Variants in WWOX observed in about 807,000 individuals in gnomAD.
The protein encoded by WWOX is WW domain containing oxidoreductase.
A neutral mutation model predicts 46.2 loss-of-function variants in WWOX; 69 were observed. The observed-to-expected ratio is 1.49, with a 90% CI of 1.23 to 1.82. WWOX has a LOEUF of 1.82. Ranked by LOEUF, WWOX falls within the 40% of genes most tolerant of loss-of-function variation. The probability of loss-of-function intolerance (pLI) is 0.00; values close to 1 mark genes in which losing one functional copy is unlikely to be tolerated. For synonymous variants in WWOX, 359 were observed against 202.6 expected (o/e 1.77, Z -6.56); for missense variants, 919 against 542.6 (o/e 1.69, Z -6.89).
chr16:78,456,637 C>T (rs977610945), intron 8 of WWOX, among the ~76,000 whole-genome samples: 3 of 152,108 alleles, frequency 2.0e-5, no homozygotes, highest in Non-Finnish European at 2.9e-5. Context: ...AATTCTGAAT[C>T]TGTGGTGTTT....
intron 8 of WWOX, among the ~76,000 whole-genome samples, chr16:78,819,610 C>T (rs1196084733): frequency 7.2e-6 from 1 of 139,248 alleles, no homozygotes; most frequent in East Asian, 1.9e-4. Context: ...CAAGGAGCAG[C>T]ACCTCTGCTC....
chr16:78,142,437 A>G (rs2034020272), intron 4 of WWOX, among the ~76,000 whole-genome samples: 1 of 152,218 alleles, frequency 6.6e-6, no homozygotes, highest in Non-Finnish European at 1.5e-5. Context: ...CTGCAAAAGA[A>G]CTAGAAATGC....
intron 8 of WWOX, among the ~76,000 whole-genome samples, chr16:78,653,792 C>T (rs1435630243): frequency 1.3e-5 from 2 of 152,226 alleles, no homozygotes; most frequent in Admixed American, 6.5e-5. Flanking sequence ...AAAGGAATTG[C>T]AGTTTTTGCC....
chr16:78,803,519 T>A (rs2050950137), intron 8 of WWOX, among the ~76,000 whole-genome samples: 1 of 152,204 alleles, frequency 6.6e-6, no homozygotes, highest in Non-Finnish European at 1.5e-5. Context: ...CGATCACAGC[T>A]TTCTGCAGCA....
At chr16:78,912,866 G>A (rs773682329) in intron 8 of WWOX, among the ~76,000 whole-genome samples, 11 of 151,896 alleles carry the variant, frequency 7.2e-5, no homozygotes, top group Non-Finnish European at 1.5e-4. Context: ...GTTAGATGCC[G>A]TATCTTTAAA....
intron 8 of WWOX, among the ~76,000 whole-genome samples, chr16:78,956,177 G>T (rs961974019): frequency 3.3e-5 from 5 of 151,562 alleles, no homozygotes; most frequent in East Asian, 2.0e-4. Flanking sequence ...ATGGAGTCTT[G>T]CTCTGTCACC....
intron 5 of WWOX, among the ~76,000 whole-genome samples, chr16:78,375,809 A>G (rs1423211173): frequency 6.6e-6 from 1 of 152,162 alleles, no homozygotes; most frequent in South Asian, 2.1e-4. Flanking sequence ...TGGAAACAAC[A>G]TAAAATAATA....
At chr16:79,021,206 G>A (rs537882990) in intron 8 of WWOX, among the ~76,000 whole-genome samples, 1 of 152,156 alleles carries the variant, frequency 6.6e-6, no homozygotes, top group Admixed American at 6.5e-5. Context: ...TCTACATGCA[G>A]TAAAATAGTT....
At chr16:78,760,574 G>A (rs967394459) in intron 8 of WWOX, among the ~76,000 whole-genome samples, 2 of 152,164 alleles carry the variant, frequency 1.3e-5, no homozygotes, top group East Asian at 1.9e-4. Flanking sequence ...TGCCCACAAT[G>A]CACTTGGGGT....
intron 5 of WWOX, among the ~76,000 whole-genome samples, chr16:78,243,909 A>G (rs2037736846): frequency 6.6e-6 from 1 of 152,238 alleles, no homozygotes; most frequent in Non-Finnish European, 1.5e-5. Flanking sequence ...AAATGAGAAC[A>G]TGTGGTAGTT....
intron 5 of WWOX, among the ~76,000 whole-genome samples, chr16:78,221,318 CAG>C (rs1264511475): frequency 1.3e-5 from 2 of 152,006 alleles, no homozygotes; most frequent in African/African-American, 4.8e-5. Flanking sequence ...TTTCATAAAA[CAG>C]AAAGATTCCT....
In WWOX at chr16:78,812,422, A is replaced by C. The variant is rs879358912; in HGVS notation, c.1056+379670A>C. Among the ~76,000 whole-genome samples the C allele has an allele frequency of 2.0e-5, 3 of 152,112 alleles. 1 individual carries two copies. Among genetic ancestry groups the C allele is most frequent in the South Asian group, 4.1e-4 (2 of 4,824 alleles). Reference sequence around the variant, plus strand: ...TGAAAATATTTGTTAAAAAAAACCCAAAAACAGAAACATATCTGACTGGGC... The same window carrying C: ...TGAAAATATTTGTTAAAAAAAACCCCAAAACAGAAACATATCTGACTGGGC... On this transcript the variant is annotated intron_variant, in intron 8 of 8. Transcript: ENST00000566780.
chr16:78,249,792 C>T lies in WWOX; in HGVS notation c.516+85503C>T, dbSNP rs146543963. ...CTCAAACTAGAACGTGGCTTTTGAA[C>T]GGTGAACATTCCACAAACATTTAAT... On this transcript the variant is annotated intron_variant, in intron 5 of 8. Coordinates refer to ENST00000566780, the MANE Select transcript of WWOX (RefSeq NM_016373.4). Among the ~76,000 whole-genome samples, 33 of 132,116 alleles carry T rather than the reference C, an allele frequency of 2.5e-4. No homozygotes were observed. In the East Asian group the frequency reaches 5.2e-3, roughly 21 times the overall value. The allele number at this position is 132,116 out of a possible 152,430, so 86.7% of individuals were successfully genotyped here.
In WWOX at chr16:78,331,399, A is replaced by G. The variant is rs562320509; in HGVS notation, c.517-55461A>G. On this transcript the variant is annotated intron_variant, in intron 5 of 8. Coordinates refer to ENST00000566780, the MANE Select transcript of WWOX (RefSeq NM_016373.4). ...AAATGAAACAGGCAACCAGGTAATA[A>G]ACCAATTACATTCTAATACAGATTA... Among the ~76,000 whole-genome samples the G allele has an allele frequency of 3.2e-4, 49 of 152,338 alleles. No individual in the cohort carries two copies. In the Middle Eastern group the frequency reaches 0.017, roughly 53 times the overall value.
At chr16:78,453,004 C>T (rs1476045603) in intron 8 of WWOX, among the ~76,000 whole-genome samples, 1 of 151,836 alleles carries the variant, frequency 6.6e-6, no homozygotes, top group Admixed American at 6.6e-5. Flanking sequence ...CTCTCAGCCT[C>T]CCGAGTAGCT....
intron 8 of WWOX, among the ~76,000 whole-genome samples, chr16:79,031,243 C>T (rs1567500534): frequency 6.6e-6 from 1 of 152,154 alleles, no homozygotes; most frequent in Non-Finnish European, 1.5e-5. Flanking sequence ...GTTTCCCATC[C>T]CTGCAGAGCC....
At chr16:78,927,382 G>C (rs928755749) in intron 8 of WWOX, among the ~76,000 whole-genome samples, 3 of 152,154 alleles carry the variant, frequency 2.0e-5, no homozygotes, top group African/African-American at 7.2e-5. Context: ...TGATGGAGCA[G>C]ACCATCAATA....
chr16:78,527,176 A>T (rs759633319), intron 8 of WWOX, among the ~76,000 whole-genome samples: 9 of 152,124 alleles, frequency 5.9e-5, no homozygotes, highest in Non-Finnish European at 1.0e-4. Flanking sequence ...CAAAAAAATG[A>T]TGTAGGAATG....
chr16:78,548,034 A>G (rs967739342), intron 8 of WWOX, among the ~76,000 whole-genome samples: 26 of 151,940 alleles, frequency 1.7e-4, no homozygotes, highest in Middle Eastern at 3.4e-3. Context: ...GAATGCCTGT[A>G]ATCTCAGGTA....
Sources: gnomAD v4.1 joint callset for allele counts (sites outside exome capture counted in the v4.1 genomes callset) on GRCh38, gnomAD v4.1.1 for gene constraint, MANE v1.5 for transcripts, NCBI Gene and HGNC (gene_info 2026-07-23, HGNC 2026-07-21) for gene names.